TMEM196: variants seen among roughly 807,000 people sequenced by gnomAD.
The protein encoded by TMEM196 is transmembrane protein 196.
A neutral mutation model predicts 20.0 loss-of-function variants in TMEM196; 17 were observed. The ratio of observed to expected loss-of-function variants is 0.85; its 90% CI spans 0.58 to 1.27. TMEM196 has a LOEUF of 1.27. Ranked by LOEUF, TMEM196 falls within the 50% of genes most tolerant of loss-of-function variation. The pLI is 0.00. For missense variants in TMEM196, 267 were observed against 223.0 expected (o/e 1.20, Z -1.26); for synonymous variants, 113 against 88.9 (o/e 1.27, Z -1.52).
chr7:19,732,590 A>AAC (rs1554298179), intron 1 of TMEM196, among the ~76,000 whole-genome samples: 28,898 of 144,882 alleles, frequency 0.2, 3,117 homozygotes, highest in East Asian at 0.32. Flanking sequence ...AAAAACAAAA[A>AAC]AAAAAAAAAC....
At chr7:19,725,866 C>A (rs1583415521) in intron 2 of TMEM196, 98 bp from the exon 3 acceptor site, 4 of 1,388,714 alleles carry the variant, frequency 2.9e-6, no homozygotes, top group East Asian at 2.4e-5. Context: ...GACTAGCCTA[C>A]AATAAAGAAG....
Position 19,725,633 on chromosome 7 carries a change from C to A in TMEM196, c.340G>T (p.Gly114Trp). ...HLASMSLACI[G>W]IGGCTLSSWL... ...GAAGAGAGAGTGCAGCCCCCGATCC[C>A]AATGCACGCGAGAGACATGGAGGCA... The change falls in exon 3 of 5, where the codon GGG becomes TGG. Residue 114 changes from glycine (G) to tryptophan (W), a missense_variant. Gly to Trp is a radical substitution (Grantham distance 184, BLOSUM62 -2). Transcript: ENST00000405844. The A allele has an allele frequency of 6.2e-7, 1 of 1,614,126 alleles. No homozygotes were observed. The highest frequency in any genetic ancestry group is 8.5e-7 in the Non-Finnish European group (1 of 1,180,004).
At chr7:19,771,766 T>TA (rs1785891043) in intron 1 of TMEM196, among the ~76,000 whole-genome samples, 1 of 152,180 alleles carries the variant, frequency 6.6e-6, no homozygotes, top group South Asian at 2.1e-4. Flanking sequence ...TTCATCCTAG[T>TA]AAAAAAGAAG....
rs1372017892 is a variant in TMEM196, at chr7:19,719,923, C to A, written c.*2205G>T. 2 of 151,956 alleles carry A rather than the reference C, an allele frequency of 1.3e-5. No individual in the cohort carries two copies. The highest frequency in any genetic ancestry group is 2.9e-5 in the Non-Finnish European group (2 of 67,914). 9.4% of individuals were successfully genotyped at this position (151,956 alleles called of 1,614,324 possible). On this transcript the variant is annotated 3_prime_UTR_variant, in exon 5 of 5. Transcript: ENST00000405844. ...TCCTTTAATGTGTTATGTTATAGATCAGTTCAAAAGGCATTACAACATTTT... is the reference window on the plus strand; with the variant it reads ...TCCTTTAATGTGTTATGTTATAGATAAGTTCAAAAGGCATTACAACATTTT...
intron 1 of TMEM196, among the ~76,000 whole-genome samples, chr7:19,768,170 A>G (rs997225034): frequency 6.6e-6 from 1 of 152,140 alleles, no homozygotes; most frequent in Non-Finnish European, 1.5e-5. Context: ...AAAACCTGTA[A>G]ACATTAAATG....
chr7:19,728,800 T>C (rs1784087702), intron 2 of TMEM196, among the ~76,000 whole-genome samples: 1 of 152,192 alleles, frequency 6.6e-6, no homozygotes, highest in East Asian at 1.9e-4. Context: ...ATATCAGAGC[T>C]AACTGGGAGT....
rs1435918039 is a variant in TMEM196, at chr7:19,719,869, A to G, written c.*2259T>C. On this transcript the variant is annotated 3_prime_UTR_variant, in exon 5 of 5. Coordinates refer to ENST00000405844, the MANE Select transcript of TMEM196 (RefSeq NM_001363562.2). ...GATGATGGCATCTCTTTTTAACTAT[A>G]CATCAAAGCAGTGATATGTCTCCTT... The G allele has an allele frequency of 1.3e-5, 2 of 152,100 alleles. No homozygotes were observed. Among genetic ancestry groups the G allele is most frequent in the Non-Finnish European group, 2.9e-5 (2 of 67,938 alleles). The allele number at this position is 152,100 out of a possible 1,614,324, so 9.4% of individuals were successfully genotyped here.
intron 1 of TMEM196, among the ~76,000 whole-genome samples, chr7:19,741,137 T>A (rs922815544): frequency 1.3e-5 from 2 of 151,956 alleles, no homozygotes; most frequent in African/African-American, 4.8e-5. Context: ...GACGGGCGAG[T>A]TTATGAAGAA....
At position 19,752,145 on chromosome 7, in the gene TMEM196, A is replaced by G. The variant is rs548708059; in HGVS notation, c.147+20405T>C. On this transcript the variant is annotated intron_variant, in intron 1 of 4. Transcript: ENST00000405844. ...AATAACATAAGATGTTGGTCATCATAAAAGCTTATGTCTAGTTTTGGCTCA... is the reference window on the plus strand; with the variant it reads ...AATAACATAAGATGTTGGTCATCATGAAAGCTTATGTCTAGTTTTGGCTCA... Among the ~76,000 whole-genome samples the G allele has an allele frequency of 2.0e-4, 31 of 152,344 alleles. No individual in the cohort carries two copies. In the South Asian group the frequency reaches 5.8e-3, roughly 29 times the overall value.
rs932983314 is a variant in TMEM196 at position 19,773,161 on chromosome 7, G to A, written c.-465C>T. On this transcript the variant is annotated 5_prime_UTR_variant, in exon 1 of 5. Coordinates refer to ENST00000405844, the MANE Select transcript of TMEM196 (RefSeq NM_001363562.2). ...CCGAGGAGAGGAGCTTTGCTTCCCG[G>A]AGATCCAAAGGGAACCGCTCCGAGT... 2.0e-5 allele frequency: 3 copies of A among 153,582 alleles called. No individual in the cohort carries two copies. The highest frequency in any genetic ancestry group is 6.5e-5 in the Admixed American group (1 of 15,312). 9.5% of individuals were successfully genotyped at this position (153,582 alleles called of 1,614,324 possible). A position where few individuals can be genotyped will look rare whatever the true frequency, so the allele number is the denominator to read the frequency against.
At chr7:19,761,093 A>C (rs1383887344) in intron 1 of TMEM196, among the ~76,000 whole-genome samples, 2 of 152,128 alleles carry the variant, frequency 1.3e-5, no homozygotes, top group Non-Finnish European at 2.9e-5. Flanking sequence ...CCCTGGGCTC[A>C]CAATCCAGAT....
chr7:19,729,545 T>G lies in TMEM196; in HGVS notation c.148-107A>C, dbSNP rs958213999. On this transcript the variant is annotated intron_variant, in intron 1 of 4. Transcript: ENST00000405844. The stretch of plus-strand genomic sequence containing the variant: ...ACTTTCTCCAGGGAAGATAGAACAT[T>G]TTAAATTTCCTTCAAAACCTGGAGA... The G allele has an allele frequency of 4.8e-5, 50 of 1,034,608 alleles. 1 individual carries two copies. Among genetic ancestry groups the G allele is most frequent in the Non-Finnish European group, 6.5e-5 (47 of 721,292 alleles). The allele number at this position is 1,034,608 out of a possible 1,614,324, so 64.1% of individuals were successfully genotyped here.
intron 1 of TMEM196, among the ~76,000 whole-genome samples, chr7:19,750,747 A>G (rs980740101): frequency 6.6e-6 from 1 of 152,224 alleles, no homozygotes; most frequent in African/African-American, 2.4e-5. Context: ...CAATAAAAAT[A>G]ACATCATTCC....
intron 1 of TMEM196, among the ~76,000 whole-genome samples, chr7:19,737,447 A>G (rs1352428009): frequency 6.6e-6 from 1 of 152,006 alleles, no homozygotes; most frequent in Non-Finnish European, 1.5e-5. Flanking sequence ...ATGTGGCCCA[A>G]CAATTGTGCT....
intron 1 of TMEM196, among the ~76,000 whole-genome samples, chr7:19,758,564 G>T (rs1785307206): frequency 6.6e-6 from 1 of 152,218 alleles, no homozygotes; most frequent in Admixed American, 6.5e-5. Context: ...CAGCTAGCCA[G>T]CTATGCTGAT....
intron 1 of TMEM196, among the ~76,000 whole-genome samples, chr7:19,747,004 C>G (rs1206403921): frequency 1.3e-5 from 2 of 152,096 alleles, no homozygotes; most frequent in Non-Finnish European, 2.9e-5. Flanking sequence ...GCCTGTAATC[C>G]CAGCACTTTG....
intron 1 of TMEM196, among the ~76,000 whole-genome samples, chr7:19,756,704 G>A (rs1218105670): frequency 6.6e-6 from 1 of 151,610 alleles, no homozygotes; most frequent in Admixed American, 6.6e-5. Context: ...GTGGTATTTG[G>A]TTTTCTGTTC....
chr7:19,739,208 A>C (rs1347554582), intron 1 of TMEM196, among the ~76,000 whole-genome samples: 2 of 152,166 alleles, frequency 1.3e-5, no homozygotes, highest in African/African-American at 4.8e-5. Context: ...CAGACAATAT[A>C]ATTGATATAT....
At position 19,772,918 on chromosome 7, in the gene TMEM196, T is replaced by C. The variant is rs1785949727; in HGVS notation, c.-222A>G. 4 of 388,030 alleles carry C rather than the reference T, an allele frequency of 1.0e-5. No individual in the cohort carries two copies. Among genetic ancestry groups the C allele is most frequent in the Admixed American group, 4.5e-5 (1 of 22,192 alleles). The allele number at this position is 388,030 out of a possible 1,614,324, so 24.0% of individuals were successfully genotyped here. Reference sequence around the variant, plus strand: ...TGCTCCACCCCCTGGCACGTTCAGATAGGGATCGTAGAAGGATCTTCCTGG... The same window carrying C: ...TGCTCCACCCCCTGGCACGTTCAGACAGGGATCGTAGAAGGATCTTCCTGG... On this transcript the variant is annotated 5_prime_UTR_variant, in exon 1 of 5. Coordinates refer to ENST00000405844, the MANE Select transcript of TMEM196 (RefSeq NM_001363562.2).
Sources: allele counts gnomAD v4.1 joint callset (sites outside exome capture counted in the v4.1 genomes callset), GRCh38; gene constraint gnomAD v4.1.1; transcripts MANE v1.5; gene names NCBI Gene and HGNC (gene_info 2026-07-23, HGNC 2026-07-21).